The following SPSB1 variants were observed in gnomAD, a reference collection of about 807,000 sequenced individuals.
The protein encoded by SPSB1 is splA/ryanodine receptor domain and SOCS box containing 1.
Under a neutral mutation model 21.2 loss-of-function variants are expected in SPSB1, and 8 were observed. The ratio of observed to expected loss-of-function variants is 0.38; its 90% CI spans 0.22 to 0.68. The LOEUF (loss-of-function observed/expected upper bound fraction) is 0.68. Among genes scored for constraint, SPSB1 ranks in the 30% least tolerant of loss-of-function variants. The pLI, the probability that SPSB1 is intolerant of heterozygous loss-of-function variation, is 0.53. For synonymous variants in SPSB1, 169 were observed against 161.7 expected (o/e 1.05, Z -0.34); for missense variants, 242 against 377.8 (o/e 0.64, Z 2.98).
rs1373023657 is a variant in SPSB1, at chr1:9,293,273, G to A, written c.-150+202G>A. Among the ~76,000 whole-genome samples the A allele has an allele frequency of 6.7e-5, 10 of 148,826 alleles. No homozygotes were observed. Among genetic ancestry groups the A allele is most frequent in the Non-Finnish European group, 1.5e-4 (10 of 66,702 alleles). On this transcript the variant is annotated intron_variant, in intron 1 of 2. Coordinates refer to ENST00000328089, the MANE Select transcript of SPSB1 (RefSeq NM_025106.4). This position sits in a 1 kb window ranked among gnomAD's most constrained non-coding sequence, Gnocchi z 5.1. ...CCCCTCCCGCGGTGGCTCCGGGGGC[G>A]CCTCCCTCGCCGCGGCTCCTGGGAG...
intron 2 of SPSB1, among the ~76,000 whole-genome samples, chr1:9,357,411 AC>A (rs1442261794): frequency 6.6e-6 from 1 of 152,178 alleles, no homozygotes; most frequent in Non-Finnish European, 1.5e-5. Flanking sequence ...TCTCTGGGTG[AC>A]CTGCCTCCAG....
intron 2 of SPSB1, among the ~76,000 whole-genome samples, chr1:9,359,846 C>CCGG (rs1553128807): frequency 8.0e-5 from 3 of 37,458 alleles, no homozygotes; most frequent in Non-Finnish European, 1.9e-4. Flanking sequence ...AGGATGGAAG[C>CCGG]CGGGGGGGTG....
At chr1:9,298,812 G>A (rs1639268662) in intron 1 of SPSB1, among the ~76,000 whole-genome samples, 2 of 152,324 alleles carry the variant, frequency 1.3e-5, no homozygotes, top group South Asian at 4.1e-4. Flanking sequence ...CAGATTCAAA[G>A]TTGACATACT....
rs1190831741 is a variant in SPSB1, at chr1:9,367,466, T to C, written c.713T>C (p.Met238Thr). The C allele has an allele frequency of 2.5e-6, 4 of 1,613,770 alleles. No individual in the cohort carries two copies. The highest frequency in any genetic ancestry group is 3.4e-6 in the Non-Finnish European group (4 of 1,179,922). Reference sequence around the variant, plus strand: ...TCCCCAGCCGAGCCGCTGCCGCTCATGGATTTGTGCCGTCGCTCGGTGCGC... The same window carrying C: ...TCCCCAGCCGAGCCGCTGCCGCTCACGGATTTGTGCCGTCGCTCGGTGCGC... ...NGLDPEPLPLMDLCRRSVRLA... is the reference protein window; with the variant it reads ...NGLDPEPLPLTDLCRRSVRLA... Residue 238 changes from methionine to threonine, a missense_variant, in exon 3 of 3, where the codon ATG (methionine) becomes ACG (threonine). Met to Thr is a moderately conservative substitution (Grantham distance 81). Coordinates refer to ENST00000328089, the MANE Select transcript of SPSB1 (RefSeq NM_025106.4). The surrounding 1 kb of genome is among the most constrained non-coding windows in gnomAD (Gnocchi z 5.9).
At chr1:9,365,322 G>T (rs1299614863) in intron 2 of SPSB1, among the ~76,000 whole-genome samples, 1 of 152,068 alleles carries the variant, frequency 6.6e-6, no homozygotes, top group African/African-American at 2.4e-5. Context: ...TCCCTATGTT[G>T]CTCAGGCTGG....
At chr1:9,366,809 A>G (rs2100525887) in intron 2 of SPSB1, among the ~76,000 whole-genome samples, 1 of 152,236 alleles carries the variant, frequency 6.6e-6, no homozygotes, top group South Asian at 2.1e-4. Flanking sequence ...CCTGGCCTCA[A>G]ATGATCCACC....
intron 1 of SPSB1, among the ~76,000 whole-genome samples, chr1:9,316,718 A>G (rs1380584721): frequency 6.6e-6 from 1 of 152,186 alleles, no homozygotes; most frequent in Admixed American, 6.5e-5. Flanking sequence ...CTTCGTCAGG[A>G]CCACGGCTGC....
intron 1 of SPSB1, among the ~76,000 whole-genome samples, chr1:9,308,825 T>C (rs530555183): frequency 3.0e-4 from 45 of 152,296 alleles, no homozygotes; most frequent in Non-Finnish European, 4.9e-4. Flanking sequence ...TGTGTTTTTT[T>C]CTACTGCGAC....
chr1:9,367,127 G>A lies in SPSB1; in HGVS notation c.695-321G>A, dbSNP rs1640588575. Among the ~76,000 whole-genome samples, 1 of 152,196 alleles carries A rather than the reference G, an allele frequency of 6.6e-6. No homozygotes were observed. The highest frequency in any genetic ancestry group is 1.5e-5 in the Non-Finnish European group (1 of 68,040). On this transcript the variant is annotated intron_variant, in intron 2 of 2. Transcript: ENST00000328089. This position sits in a 1 kb window ranked among gnomAD's most constrained non-coding sequence, Gnocchi z 5.9. Reference sequence around the variant, plus strand: ...AGGGCGACCCCTGGCAAGTCATTTAGACTCTGTCCCTCAGTTTCCTCATCT... The same window carrying A: ...AGGGCGACCCCTGGCAAGTCATTTAAACTCTGTCCCTCAGTTTCCTCATCT...
At position 9,348,502 on chromosome 1, in the gene SPSB1, A is replaced by G. The variant is rs1406656268; in HGVS notation, c.-149-7241A>G. 6.6e-6 allele frequency among the ~76,000 whole-genome samples: 1 copy of G among 151,926 alleles called. No individual in the cohort carries two copies. The highest frequency in any genetic ancestry group is 1.5e-5 in the Non-Finnish European group (1 of 67,976). On this transcript the variant is annotated intron_variant, in intron 1 of 2. Transcript: ENST00000328089. This position sits in a 1 kb window ranked among gnomAD's most constrained non-coding sequence, Gnocchi z 4.8. ...ACCTGTCCCGGGTCTAGGACTCCCA[A>G]ACAGTGCACTTTGGGGATGCTTTTG...
At chr1:9,328,878 A>G (rs1569605979) in intron 1 of SPSB1, among the ~76,000 whole-genome samples, 1 of 152,092 alleles carries the variant, frequency 6.6e-6, no homozygotes, top group African/African-American at 2.4e-5. Context: ...CCTGGCCCCC[A>G]CCCACCAGAC....
At chr1:9,309,626 C>G (rs113710077) in intron 1 of SPSB1, among the ~76,000 whole-genome samples, 2,068 of 152,106 alleles carry the variant, frequency 0.014, 45 homozygotes, top group African/African-American at 0.047. Flanking sequence ...GTGGATCACC[C>G]GAGGTCAGGA....
At chr1:9,331,008 A>G (rs1569610197) in intron 1 of SPSB1, among the ~76,000 whole-genome samples, 1 of 151,396 alleles carries the variant, frequency 6.6e-6, no homozygotes, top group South Asian at 2.1e-4. Context: ...GTAGTTCCAT[A>G]CCTCCCTGCC....
Position 9,367,643 on chromosome 1 carries a change from G to T in SPSB1, c.*68G>T. 6.6e-7 allele frequency: 1 copy of T among 1,516,594 alleles called. No individual in the cohort carries two copies. The highest frequency in any genetic ancestry group is 2.4e-5 in the East Asian group (1 of 40,862). The allele number at this position is 1,516,594 out of a possible 1,614,324, so 93.9% of individuals were successfully genotyped here. ...ACTCACTGAGCCGCCTGCCGCTGGG[G>T]CCGCCGCACCCTGCACCTTGGACCG... is the stretch of plus-strand genomic sequence containing the variant. On this transcript the variant is annotated 3_prime_UTR_variant, in exon 3 of 3. Coordinates refer to ENST00000328089, the MANE Select transcript of SPSB1 (RefSeq NM_025106.4). The surrounding 1 kb of genome is among the most constrained non-coding windows in gnomAD (Gnocchi z 5.9).
chr1:9,351,197 A>C (rs967900147), intron 1 of SPSB1, among the ~76,000 whole-genome samples: 2 of 152,360 alleles, frequency 1.3e-5, no homozygotes, highest in South Asian at 4.1e-4. Flanking sequence ...GAGAGCCTTA[A>C]GTAGTTACTA....
At chr1:9,331,234 C>T (rs1286883644) in intron 1 of SPSB1, among the ~76,000 whole-genome samples, 1 of 150,114 alleles carries the variant, frequency 6.7e-6, no homozygotes, top group Non-Finnish European at 1.5e-5. Context: ...TTGTCAATGA[C>T]TGTGCACTCG....
intron 1 of SPSB1, among the ~76,000 whole-genome samples, chr1:9,354,454 C>T (rs933521893): frequency 6.6e-6 from 1 of 152,082 alleles, no homozygotes; most frequent in Non-Finnish European, 1.5e-5. Context: ...TCTCTGGTCC[C>T]TTCCAGAGGC....
At position 9,293,288 on chromosome 1, in the gene SPSB1, G is replaced by C. The variant is rs1557441280; in HGVS notation, c.-150+217G>C. Among the ~76,000 whole-genome samples the C allele has an allele frequency of 6.7e-6, 1 of 149,460 alleles. No homozygotes were observed. The highest frequency in any genetic ancestry group is 6.6e-5 in the Admixed American group (1 of 15,058). On this transcript the variant is annotated intron_variant, in intron 1 of 2. Coordinates refer to ENST00000328089, the MANE Select transcript of SPSB1 (RefSeq NM_025106.4). This position sits in a 1 kb window ranked among gnomAD's most constrained non-coding sequence, Gnocchi z 5.1. ...CTCCGGGGGCGCCTCCCTCGCCGCG[G>C]CTCCTGGGAGAGGGGCCCAGGCCCG...
Position 9,321,438 on chromosome 1 carries a change from C to T in SPSB1, c.-150+28367C>T, listed in dbSNP as rs955891055. Among the ~76,000 whole-genome samples the T allele has an allele frequency of 2.0e-4, 31 of 152,256 alleles. No individual in the cohort carries two copies. Among genetic ancestry groups the T allele is most frequent in the Admixed American group, 1.2e-3 (18 of 15,290 alleles). The stretch of plus-strand genomic sequence containing the variant: ...TGATTTTACGGAACTTGTCCTGACC[C>T]GTTATTCGTCACCTTGGTGCCCGAT... On this transcript the variant is annotated intron_variant, in intron 1 of 2. Transcript: ENST00000328089. This position sits in a 1 kb window ranked among gnomAD's most constrained non-coding sequence, Gnocchi z 4.8.
Sources: allele counts gnomAD v4.1 joint callset (sites outside exome capture counted in the v4.1 genomes callset), GRCh38; gene constraint gnomAD v4.1.1; non-coding constraint Gnocchi (gnomAD v3.1); transcripts MANE v1.5; gene names NCBI Gene and HGNC (gene_info 2026-07-23, HGNC 2026-07-21).